Variants in RGS6 observed in about 807,000 individuals in gnomAD.
RGS6 encodes the protein regulator of G-protein signaling 6.
RGS6 carries 30 observed loss-of-function variants against 78.5 expected under a neutral mutation model. That is an observed-to-expected ratio of 0.38 (90% CI 0.29 to 0.52). The LOEUF (loss-of-function observed/expected upper bound fraction) is 0.52. Ranked by LOEUF, RGS6 falls within the 20% of genes least tolerant of loss-of-function variation. The pLI is 0.85. For missense variants in RGS6, 495 were observed against 609.7 expected, an observed-to-expected ratio of 0.81 and a Z score of 1.98; for synonymous variants, 206 against 206.0, an observed-to-expected ratio of 1.00 and a Z score of 0.00.
the RGS6 span, among the ~76,000 whole-genome samples, chr14:71,872,634 G>C: frequency 1.3e-5 from 2 of 151,964 alleles, no homozygotes; most frequent in Non-Finnish European, 2.9e-5. Flanking sequence ...TTTTTTTTGT[G>C]AATAATTATA....
At chr14:72,460,523 C>A (rs1441886611) in intron 6 of RGS6, among the ~76,000 whole-genome samples, 1 of 152,124 alleles carries the variant, frequency 6.6e-6, no homozygotes, top group Non-Finnish European at 1.5e-5. Context: ...TTGAAGGTGA[C>A]CAACAGACAC....
the RGS6 span, among the ~76,000 whole-genome samples, chr14:71,912,740 T>A: frequency 2.6e-4 from 40 of 152,316 alleles, 1 homozygote; most frequent in African/African-American, 8.7e-4. Context: ...TCTTTCCTGA[T>A]AAATAGCTGC....
intron 2 of RGS6, among the ~76,000 whole-genome samples, chr14:72,279,092 T>G (rs1213355177): frequency 6.6e-6 from 1 of 152,024 alleles, no homozygotes; most frequent in African/African-American, 2.4e-5. Context: ...ACAGTTATAT[T>G]GGGATTGGGG....
intron 2 of RGS6, among the ~76,000 whole-genome samples, chr14:72,177,133 G>T (rs779098980): frequency 1.3e-5 from 2 of 151,954 alleles, no homozygotes; most frequent in African/African-American, 4.8e-5. Context: ...TTCACCTGTT[G>T]ATGGAAATTT....
chr14:72,041,296 G>A (rs1479433938), intron 2 of RGS6, among the ~76,000 whole-genome samples: 2 of 152,172 alleles, frequency 1.3e-5, no homozygotes, highest in African/African-American at 4.8e-5. Flanking sequence ...CTCTGGAGAT[G>A]TGTCTTGTCT....
chr14:72,220,685 T>C (rs948699814), intron 2 of RGS6, among the ~76,000 whole-genome samples: 2 of 152,182 alleles, frequency 1.3e-5, no homozygotes, highest in African/African-American at 4.8e-5. Context: ...TAAAACAGGC[T>C]CAAGGTTTTA....
chr14:71,943,945 G>A (rs1335602276), intron 1 of RGS6, among the ~76,000 whole-genome samples: 2 of 152,096 alleles, frequency 1.3e-5, no homozygotes, highest in African/African-American at 2.4e-5. Context: ...CGTGGTTATA[G>A]CCTTCATTCT....
At chr14:72,057,147 C>T (rs1425891605) in intron 2 of RGS6, among the ~76,000 whole-genome samples, 1 of 151,730 alleles carries the variant, frequency 6.6e-6, no homozygotes, top group African/African-American at 2.4e-5. Context: ...AACCCCATCT[C>T]TACTAAAAAT....
At chr14:72,284,927 C>T (rs2062244140) in intron 2 of RGS6, among the ~76,000 whole-genome samples, 1 of 152,202 alleles carries the variant, frequency 6.6e-6, no homozygotes, top group African/African-American at 2.4e-5. Flanking sequence ...CATTTTCAAG[C>T]TTTAAGATTT....
chr14:71,992,053 CAG>C (rs1341893268), intron 2 of RGS6, among the ~76,000 whole-genome samples: 5 of 141,182 alleles, frequency 3.5e-5, no homozygotes, highest in Admixed American at 3.0e-4. Context: ...CAGAGTGAGA[CAG>C]AGTCTTACTC....
At chr14:72,451,096 G>A (rs2095481557) in intron 3 of RGS6, among the ~76,000 whole-genome samples, 2 of 152,152 alleles carry the variant, frequency 1.3e-5, no homozygotes, top group African/African-American at 4.8e-5. Flanking sequence ...TGCTGAAATG[G>A]AGTCTACCAA....
intron 3 of RGS6, among the ~76,000 whole-genome samples, chr14:72,433,679 C>G (rs1200771478): frequency 6.6e-6 from 1 of 152,116 alleles, no homozygotes. Flanking sequence ...ACTCAACTCC[C>G]CAGCCCTCCT....
rs531064546 is a variant in RGS6 at position 72,286,066 on chromosome 14, C to T, written c.85-66029C>T. Among the ~76,000 whole-genome samples the T allele has an allele frequency of 4.6e-5, 7 of 152,116 alleles. No individual in the cohort carries two copies. The South Asian group carries it at 1.4e-3, about 31-fold the overall frequency. On this transcript the variant is annotated intron_variant, in intron 2 of 17. Coordinates refer to ENST00000553525, the MANE Select transcript of RGS6 (RefSeq NM_001204424.2). The stretch of plus-strand genomic sequence containing the variant: ...CTTTTGTTGCCTATGTTTTTGGTGT[C>T]ACATCCAAGAAATCATTGCAGAGAC...
chr14:72,624,333 C>CTTTTTTTTTTTTT, the RGS6 span, among the ~76,000 whole-genome samples: 61 of 97,802 alleles, frequency 6.2e-4, 1 homozygote, highest in African/African-American at 2.1e-3. Flanking sequence ...ACCTATGTCT[C>CTTTTTTTTTTTTT]TTTTTTTTTT....
intron 2 of RGS6, among the ~76,000 whole-genome samples, chr14:72,181,727 T>C (rs2097175731): frequency 6.6e-6 from 1 of 152,254 alleles, no homozygotes; most frequent in South Asian, 2.1e-4. Context: ...TAACCTTGAA[T>C]ACTAGTAAGC....
intron 3 of RGS6, among the ~76,000 whole-genome samples, chr14:72,395,960 CTT>C (rs1371287145): frequency 6.6e-6 from 1 of 152,050 alleles, no homozygotes; most frequent in African/African-American, 2.4e-5. Context: ...GGTTCCAAGT[CTT>C]TGCTATTGTG....
At chr14:72,103,039 A>T (rs2153528989) in intron 2 of RGS6, among the ~76,000 whole-genome samples, 1 of 152,332 alleles carries the variant, frequency 6.6e-6, no homozygotes, top group Middle Eastern at 3.4e-3. Flanking sequence ...TGTGTACAAA[A>T]TACCTTAGGA....
At chr14:71,995,093 G>A (rs1834636134) in intron 2 of RGS6, among the ~76,000 whole-genome samples, 1 of 152,110 alleles carries the variant, frequency 6.6e-6, no homozygotes, top group Non-Finnish European at 1.5e-5. Context: ...GGCATCTTCA[G>A]CACCAGCAAC....
chr14:72,498,676 A>G lies in RGS6; in HGVS notation c.965+3414A>G, dbSNP rs910986155. 3.0e-4 allele frequency among the ~76,000 whole-genome samples: 46 copies of G among 152,276 alleles called. 1 individual carries two copies. Among genetic ancestry groups the G allele is most frequent in the Admixed American group, 6.5e-4 (10 of 15,292 alleles). ...GTGCTCTCAGTGATGGTATGGGCCAATGGTTCTAAGCCATGCTGTGCATCA... is the reference window on the plus strand; with the variant it reads ...GTGCTCTCAGTGATGGTATGGGCCAGTGGTTCTAAGCCATGCTGTGCATCA... On this transcript the variant is annotated intron_variant, in intron 13 of 17. Transcript: ENST00000553525.
Sources: gnomAD v4.1 joint callset for allele counts (sites outside exome capture counted in the v4.1 genomes callset) on GRCh38, gnomAD v4.1.1 for gene constraint, MANE v1.5 for transcripts, NCBI Gene and HGNC (gene_info 2026-07-23, HGNC 2026-07-21) for gene names.